Variants in NIBAN1 observed in about 807,000 individuals in gnomAD.
NIBAN1 encodes the protein protein Niban 1.
A neutral mutation model predicts 75.1 loss-of-function variants in NIBAN1; 81 were observed. That is an observed-to-expected ratio of 1.08 (90% CI 0.90 to 1.30). The LOEUF is 1.30. Among genes scored for constraint, NIBAN1 ranks in the 50% most tolerant of loss-of-function variants. The pLI, the probability that NIBAN1 is intolerant of heterozygous loss-of-function variation, is 0.00. For synonymous variants in NIBAN1, 436 were observed against 424.8 expected, an observed-to-expected ratio of 1.03 and a Z score of -0.32; for missense variants, 1,133 against 1,128.1, an observed-to-expected ratio of 1.00 and a Z score of -0.06.
intron 1 of NIBAN1, among the ~76,000 whole-genome samples, chr1:184,901,116 T>C (rs575162844): frequency 6.6e-6 from 1 of 152,262 alleles, no homozygotes; most frequent in African/African-American, 2.4e-5. Flanking sequence ...AATGTATGAA[T>C]ACTCTCCATA....
At chr1:184,861,582 G>A (rs1208448483) in intron 5 of NIBAN1, among the ~76,000 whole-genome samples, 2 of 140,906 alleles carry the variant, frequency 1.4e-5, no homozygotes, top group African/African-American at 5.7e-5. Context: ...AGGAAGGAAG[G>A]AGGGAAGGAA....
intron 1 of NIBAN1, among the ~76,000 whole-genome samples, chr1:184,944,181 G>C (rs539626792): frequency 3.3e-5 from 5 of 152,218 alleles, no homozygotes; most frequent in Non-Finnish European, 7.3e-5. Context: ...CCACTCATTG[G>C]TGATAGTGAA....
chr1:184,873,346 C>A (rs542482619), intron 5 of NIBAN1, among the ~76,000 whole-genome samples: 1 of 152,304 alleles, frequency 6.6e-6, no homozygotes, highest in Non-Finnish European at 1.5e-5. Flanking sequence ...TCAGAACATG[C>A]CATCTCAGAA....
At chr1:184,902,561 G>C (rs904000770) in intron 1 of NIBAN1, among the ~76,000 whole-genome samples, 1 of 152,110 alleles carries the variant, frequency 6.6e-6, no homozygotes, top group African/African-American at 2.4e-5. Context: ...CTGAACTAAG[G>C]AATTAAGGAG....
intron 5 of NIBAN1, among the ~76,000 whole-genome samples, chr1:184,836,098 T>C (rs1472305096): frequency 1.3e-5 from 2 of 152,200 alleles, no homozygotes; most frequent in East Asian, 1.9e-4. Flanking sequence ...TCTTAGAGGT[T>C]TGAAAAACAA....
chr1:184,936,571 C>G (rs1029996998), intron 1 of NIBAN1, among the ~76,000 whole-genome samples: 69 of 152,350 alleles, frequency 4.5e-4, no homozygotes, highest in African/African-American at 1.5e-3. Flanking sequence ...GGCCCACCTG[C>G]CCTCTGGCAG....
intron 5 of NIBAN1, among the ~76,000 whole-genome samples, chr1:184,862,243 C>T (rs1342093286): frequency 6.6e-6 from 1 of 152,136 alleles, no homozygotes; most frequent in East Asian, 1.9e-4. Flanking sequence ...CTAGCTAACA[C>T]TGGGTCTCTT....
At chr1:184,872,755 A>G (rs1342706344) in intron 5 of NIBAN1, among the ~76,000 whole-genome samples, 1 of 152,116 alleles carries the variant, frequency 6.6e-6, no homozygotes, top group Non-Finnish European at 1.5e-5. Flanking sequence ...TAGACTATCT[A>G]ATGTACATGT....
chr1:184,858,533 A>G (rs916972385), intron 5 of NIBAN1, among the ~76,000 whole-genome samples: 6 of 152,216 alleles, frequency 3.9e-5, no homozygotes, highest in African/African-American at 1.4e-4. Context: ...TCAAAAAAAA[A>G]CAAAGCAAGA....
At chr1:184,911,891 T>C (rs1398445273) in intron 1 of NIBAN1, among the ~76,000 whole-genome samples, 2 of 152,138 alleles carry the variant, frequency 1.3e-5, no homozygotes, top group South Asian at 2.1e-4. Flanking sequence ...CTAAATAAAA[T>C]GGTGATACTA....
chr1:184,867,578 C>T (rs575127895), intron 5 of NIBAN1, among the ~76,000 whole-genome samples: 1 of 152,316 alleles, frequency 6.6e-6, no homozygotes, highest in South Asian at 2.1e-4. Flanking sequence ...GATAAGGTTA[C>T]ATCCTGCTTG....
At chr1:184,864,948 A>T (rs1229453574) in intron 5 of NIBAN1, among the ~76,000 whole-genome samples, 2 of 151,520 alleles carry the variant, frequency 1.3e-5, no homozygotes, top group African/African-American at 4.8e-5. Flanking sequence ...GAATGACCTC[A>T]TCACAGGTTT....
intron 13 of NIBAN1, among the ~76,000 whole-genome samples, chr1:184,796,525 T>G (rs1653873392): frequency 6.6e-6 from 1 of 152,182 alleles, no homozygotes; most frequent in Non-Finnish European, 1.5e-5. Context: ...TGCTTTACCT[T>G]GCAGTACAGT....
intron 5 of NIBAN1, among the ~76,000 whole-genome samples, chr1:184,845,358 T>A (rs1419483714): frequency 6.6e-6 from 1 of 152,240 alleles, no homozygotes; most frequent in African/African-American, 2.4e-5. Context: ...GATTACTGAA[T>A]GGAATATTAT....
At chr1:184,890,085 G>A (rs1480359311) in intron 4 of NIBAN1, 23 bp downstream of exon 4, 7 of 1,568,440 alleles carry the variant, frequency 4.5e-6, no homozygotes, top group Middle Eastern at 1.7e-4. Flanking sequence ...TTTTGCCTTG[G>A]AAAAGAATGA....
intron 11 of NIBAN1, 125 bp downstream of exon 11, chr1:184,805,821 C>G (rs1041689920): frequency 2.8e-6 from 2 of 722,170 alleles, no homozygotes; most frequent in East Asian, 5.4e-5. Flanking sequence ...AGTCACTGGA[C>G]TTGGGAGAGA....
At chr1:184,965,625 A>G (rs888797247) in intron 1 of NIBAN1, among the ~76,000 whole-genome samples, 2 of 152,186 alleles carry the variant, frequency 1.3e-5, no homozygotes, top group Non-Finnish European at 2.9e-5. Flanking sequence ...GAAGGGAACA[A>G]TAGACACTGA....
At chr1:184,877,900 C>T (rs868853034) in intron 5 of NIBAN1, among the ~76,000 whole-genome samples, 14 of 146,644 alleles carry the variant, frequency 9.5e-5, no homozygotes, top group East Asian at 3.9e-4. Context: ...CTAAATAGCA[C>T]GAACAAAACA....
At position 184,794,181 on chromosome 1, in the gene NIBAN1, GT is replaced by G. The variant is rs1653771861; in HGVS notation, c.*795del. The G allele has an allele frequency of 6.6e-6, 1 of 152,194 alleles. No homozygotes were observed. The highest frequency in any genetic ancestry group is 1.5e-5 in the Non-Finnish European group (1 of 68,116). 9.4% of individuals were successfully genotyped at this position (152,194 alleles called of 1,614,324 possible). On this transcript the variant is annotated 3_prime_UTR_variant, in exon 14 of 14. Coordinates refer to ENST00000367511, the MANE Select transcript of NIBAN1 (RefSeq NM_052966.4). The stretch of plus-strand genomic sequence containing the variant: ...CAAATAATGTTTGTTTAATTGACGG[GT>G]TTTAAGCTCGATAACTTAGCTAAGC...
Sources: gnomAD v4.1 joint callset for allele counts (sites outside exome capture counted in the v4.1 genomes callset) on GRCh38, gnomAD v4.1.1 for gene constraint, MANE v1.5 for transcripts, NCBI Gene and HGNC (gene_info 2026-07-23, HGNC 2026-07-21) for gene names.